Variants in FAR2 observed in about 807,000 individuals in gnomAD.
FAR2 encodes the protein epididymis secretory protein Li 81.
A neutral mutation model predicts 56.0 loss-of-function variants in FAR2; 19 were observed. That is an observed-to-expected ratio of 0.34 (90% confidence interval 0.24 to 0.50). FAR2 has a LOEUF of 0.50. Ranked by LOEUF, FAR2 falls within the 20% of genes least tolerant of loss-of-function variation. The pLI is 0.98. For synonymous variants in FAR2, 219 were observed against 218.8 expected (o/e 1.00, Z -0.01); for missense variants, 508 against 642.2 (o/e 0.79, Z 2.26).
chr12:29,295,127 C>T (rs1415748670), intron 3 of FAR2, among the ~76,000 whole-genome samples: 2 of 152,234 alleles, frequency 1.3e-5, no homozygotes, highest in East Asian at 3.9e-4. Context: ...GGCTGGAGTG[C>T]ATTGGCGTGA....
At chr12:29,200,383 T>C (rs1372276848) in intron 1 of FAR2, among the ~76,000 whole-genome samples, 3 of 152,046 alleles carry the variant, frequency 2.0e-5, no homozygotes, top group African/African-American at 7.2e-5. Context: ...ACGAAGAGAA[T>C]AGAGTTTCAA....
At chr12:29,166,029 C>T (rs931623597) in intron 1 of FAR2, among the ~76,000 whole-genome samples, 2 of 152,246 alleles carry the variant, frequency 1.3e-5, no homozygotes, top group African/African-American at 4.8e-5. Context: ...TAACAGCGGC[C>T]TTAGCCAAAT....
chr12:29,218,057 A>C (rs1472667060), intron 1 of FAR2, among the ~76,000 whole-genome samples: 1 of 152,152 alleles, frequency 6.6e-6, no homozygotes, highest in Non-Finnish European at 1.5e-5. Flanking sequence ...AATATCTAAA[A>C]TTAAGATGGG....
At chr12:29,175,872 C>G (rs1275700097) in intron 1 of FAR2, among the ~76,000 whole-genome samples, 1 of 152,170 alleles carries the variant, frequency 6.6e-6, no homozygotes, top group Non-Finnish European at 1.5e-5. Context: ...TCTAGCTAGA[C>G]AGAAAAGTTC....
At chr12:29,221,500 TATC>T (rs1947690461) in intron 1 of FAR2, among the ~76,000 whole-genome samples, 1 of 152,204 alleles carries the variant, frequency 6.6e-6, no homozygotes, top group Admixed American at 6.5e-5. Flanking sequence ...AAAATGCAAA[TATC>T]ATAACTATTA....
intron 1 of FAR2, among the ~76,000 whole-genome samples, chr12:29,169,908 C>T (rs1051117419): frequency 3.3e-5 from 5 of 152,126 alleles, no homozygotes; most frequent in Non-Finnish European, 5.9e-5. Flanking sequence ...TGGACTTGAG[C>T]TTTGAGGGGC....
intron 1 of FAR2, chr12:29,156,632 A>G (rs1949729671): frequency 6.6e-6 from 1 of 152,174 alleles, no homozygotes; most frequent in Non-Finnish European, 1.5e-5. Flanking sequence ...TTATTTCAAT[A>G]ATGAAGCCAA....
intron 10 of FAR2, among the ~76,000 whole-genome samples, chr12:29,326,615 C>T (rs12767668): frequency 5.9e-5 from 9 of 152,132 alleles, no homozygotes; most frequent in East Asian, 1.9e-4. Context: ...AATCAATAAA[C>T]GTAATCCTGC....
chr12:29,272,040 A>C (rs1436287890), intron 2 of FAR2, among the ~76,000 whole-genome samples: 1 of 152,200 alleles, frequency 6.6e-6, no homozygotes, highest in Non-Finnish European at 1.5e-5. Flanking sequence ...ACCAAAACCT[A>C]GAATAAATTC....
intron 1 of FAR2, among the ~76,000 whole-genome samples, chr12:29,185,933 T>C (rs4931161): frequency 0.66 from 99,702 of 152,042 alleles, 34,446 homozygotes; most frequent in Non-Finnish European, 0.76. Context: ...TCACATATGA[T>C]ACGAGATTTT....
At chr12:29,255,518 T>C (rs1283574705) in intron 1 of FAR2, among the ~76,000 whole-genome samples, 1 of 152,218 alleles carries the variant, frequency 6.6e-6, no homozygotes, top group Non-Finnish European at 1.5e-5. Context: ...CTTAAATATA[T>C]CTTAAACTAA....
intron 9 of FAR2, among the ~76,000 whole-genome samples, chr12:29,319,863 G>GAATCAATC (rs1949523352): frequency 6.6e-6 from 1 of 152,256 alleles, no homozygotes; most frequent in East Asian, 1.9e-4. Context: ...GTGGTAAAAT[G>GAATCAATC]AATCAATCAT....
At chr12:29,232,817 T>TCGTG (rs1555112172) in intron 1 of FAR2, among the ~76,000 whole-genome samples, 4 of 133,046 alleles carry the variant, frequency 3.0e-5, no homozygotes, top group African/African-American at 1.2e-4. Flanking sequence ...ACATACGCGC[T>TCGTG]CGCGCACACA....
intron 10 of FAR2, among the ~76,000 whole-genome samples, chr12:29,330,056 CTTTTT>C (rs10693997): frequency 7.9e-6 from 1 of 127,064 alleles, no homozygotes; most frequent in African/African-American, 3.0e-5. Context: ...ACATTTATGA[CTTTTT>C]TTTTTTTTTT....
intron 3 of FAR2, among the ~76,000 whole-genome samples, chr12:29,293,965 T>C (rs1021306585): frequency 2.0e-5 from 3 of 152,196 alleles, no homozygotes; most frequent in African/African-American, 7.2e-5. Flanking sequence ...CTTCTTGAGA[T>C]AAATTCCTAG....
chr12:29,271,728 A>G (rs956267338), intron 2 of FAR2, among the ~76,000 whole-genome samples: 3 of 152,242 alleles, frequency 2.0e-5, no homozygotes, highest in Non-Finnish European at 4.4e-5. Context: ...GTGGGACAAA[A>G]TAATCCTAAC....
At chr12:29,299,140 G>T (rs1225245887) in intron 4 of FAR2, among the ~76,000 whole-genome samples, 1 of 149,924 alleles carries the variant, frequency 6.7e-6, no homozygotes, top group East Asian at 2.0e-4. Flanking sequence ...TTGAATCCAG[G>T]AGGTGGAGGT....
At chr12:29,265,675 A>G (rs373809039) in intron 1 of FAR2, among the ~76,000 whole-genome samples, 2 of 152,214 alleles carry the variant, frequency 1.3e-5, no homozygotes, top group African/African-American at 4.8e-5. Flanking sequence ...ATGGGATTAC[A>G]AGTTTAAATG....
At chr12:29,317,348 G>A (rs1017476229) in intron 9 of FAR2, among the ~76,000 whole-genome samples, 1 of 152,158 alleles carries the variant, frequency 6.6e-6, no homozygotes, top group African/African-American at 2.4e-5. Flanking sequence ...GGCTAAGTGT[G>A]TATGAAACAG....
Sources: allele counts gnomAD v4.1 joint callset (sites outside exome capture counted in the v4.1 genomes callset), GRCh38; gene constraint gnomAD v4.1.1; transcripts MANE v1.5; gene names NCBI Gene and HGNC (gene_info 2026-07-23, HGNC 2026-07-21).